Variants in ODC1 observed in about 807,000 individuals in gnomAD.
ODC1 encodes the protein ornithine decarboxylase 1.
In ODC1, 18 loss-of-function variants were observed where a neutral mutation model predicts 41.5. The observed-to-expected ratio is 0.43, with a 90% CI of 0.30 to 0.64. The LOEUF is 0.64. Among genes scored for constraint, ODC1 ranks in the 30% least tolerant of loss-of-function variants. The pLI is 0.11. For synonymous variants in ODC1, 218 were observed against 211.6 expected (o/e 1.03, Z -0.26); for missense variants, 504 against 589.0 (o/e 0.86, Z 1.49).
intron 1 of ODC1, among the ~76,000 whole-genome samples, chr2:10,446,344 TAGTC>T (rs1369752214): frequency 2.0e-5 from 3 of 152,174 alleles, no homozygotes; most frequent in Admixed American, 1.3e-4. Flanking sequence ...TTCTCCATGT[TAGTC>T]AGGCTGGTCT....
chr2:10,445,580 G>A (rs567874992), intron 1 of ODC1, among the ~76,000 whole-genome samples: 1 of 152,100 alleles, frequency 6.6e-6, no homozygotes, highest in African/African-American at 2.4e-5. Flanking sequence ...GTCTTATAAT[G>A]GTCTGATTTA....
chr2:10,443,371 C>G (rs1006953263), intron 7 of ODC1, 58 bp from the exon 8 acceptor site: 3 of 1,567,780 alleles, frequency 1.9e-6, no homozygotes, highest in South Asian at 2.2e-5. Flanking sequence ...ATGTATGCAG[C>G]AGATAGGCTG....
chr2:10,446,938 G>C, intron 1 of ODC1: 1 of 163,214 alleles, frequency 6.1e-6, no homozygotes, highest in South Asian at 1.3e-4. Flanking sequence ...GAGAAGGGAA[G>C]AGAGTAACAA....
At chr2:10,442,366 G>A (rs28362405) in intron 8 of ODC1, among the ~76,000 whole-genome samples, 192 bp from the exon 9 acceptor site, 366 of 152,262 alleles carry the variant, frequency 2.4e-3, no homozygotes, top group African/African-American at 8.5e-3. Context: ...CAGGTGGCTC[G>A]TTTTCATTCC....
At position 10,440,841 on chromosome 2, in the gene ODC1, G is replaced by A. The variant is rs1049500; in HGVS notation, c.1269C>T (p.Pro423=). 129,880 of 1,613,840 alleles carry A rather than the reference G, an allele frequency of 0.08. 13,821 individuals are homozygous for A. Among genetic ancestry groups the A allele is most frequent in the East Asian group, 0.55 (24,471 of 44,866 alleles). ...GTTCCTCTACTTCGGGTGGGAAGTC[G>A]GGGTTCTGGAATTGCTGCATGAGTT... ...AWQLMQQFQN[P]DFPPEVEEQD... is the part of the protein sequence containing the mutation. The change falls in exon 12 of 12, where the codon CCC becomes CCT. Residue 423 remains proline (P), a synonymous_variant. Coordinates refer to ENST00000234111, the MANE Select transcript of ODC1 (RefSeq NM_002539.3).
rs766492928 is a variant in ODC1, at chr2:10,441,636, G to A, written c.1114C>T (p.Leu372=). ...CAATCACCCACATGCATTTCAGGCA[G>A]GTCACAGCGCTCAACAATCCGATCG... The part of the protein sequence containing the change: ...GLDRIVERCD[L]PEMHVGDWML... The change falls in exon 11 of 12, where the codon CTG becomes TTG. Residue 372 remains leucine (L), a synonymous_variant. Coordinates refer to ENST00000234111, the MANE Select transcript of ODC1 (RefSeq NM_002539.3). The A allele has an allele frequency of 6.2e-7, 1 of 1,614,188 alleles. No homozygotes were observed.
intron 10 of ODC1, 42 bp from the exon 11 acceptor site, chr2:10,441,765 CG>C: frequency 2.5e-6 from 4 of 1,611,500 alleles, no homozygotes; most frequent in Non-Finnish European, 3.4e-6. Context: ...CTTAATTACA[CG>C]TGTTGTGACC....
chr2:10,441,880 G>T lies in ODC1; in HGVS notation c.963C>A (p.Gly321=). ...GTATGCAATTAAATGATCCATAGAC[G>T]CCATCATTCACATAATACATAAAGG... ...EQTFMYYVND[G]VYGSFNCILY... is the part of the protein sequence containing the mutation. Residue 321 remains glycine, a synonymous_variant, in exon 10 of 12, where the codon GGC becomes GGA. Coordinates refer to ENST00000234111, the MANE Select transcript of ODC1 (RefSeq NM_002539.3). 6.2e-7 allele frequency: 1 copy of T among 1,614,054 alleles called. No homozygotes were observed. The highest frequency in any genetic ancestry group is 8.5e-7 in the Non-Finnish European group (1 of 1,180,012).
chr2:10,445,097 C>G (rs1004509379), intron 2 of ODC1, 48 bp from the exon 3 acceptor site: 3 of 962,810 alleles, frequency 3.1e-6, no homozygotes, highest in South Asian at 1.3e-5. Context: ...CACTTAGAAG[C>G]CTTAGCAATA....
At position 10,443,181 on chromosome 2, in the gene ODC1, G is replaced by C. The variant is rs768384026; in HGVS notation, c.750+49C>G. The C allele has an allele frequency of 4.2e-6, 6 of 1,430,870 alleles. No homozygotes were observed. In the African/African-American group the frequency reaches 8.6e-5, roughly 20 times the overall value. 88.6% of individuals were successfully genotyped at this position (1,430,870 alleles called of 1,614,324 possible). A position where few individuals can be genotyped will look rare whatever the true frequency, so the allele number is the denominator to read the frequency against. Reference sequence around the variant, plus strand: ...CTTAAATTTTGAAATATTCCAAAAAGGAATTTATTAGAACGGCTACTGAGT... The same window carrying C: ...CTTAAATTTTGAAATATTCCAAAAACGAATTTATTAGAACGGCTACTGAGT... On this transcript the variant is annotated intron_variant, in intron 8 of 11. Transcript: ENST00000234111.
chr2:10,443,461 C>T (rs1671899630), intron 7 of ODC1, 29 bp downstream of exon 7: 1 of 1,606,158 alleles, frequency 6.2e-7, no homozygotes, highest in Non-Finnish European at 8.5e-7. Context: ...TGTGTCCCGC[C>T]CTTCCCTAAC....
chr2:10,441,647 T>C lies in ODC1; in HGVS notation c.1103A>G (p.Glu368Gly). Residue 368 changes from glutamate (E) to glycine (G), a missense_variant, in exon 11 of 12, where the codon GAG becomes GGG. By Grantham distance (98) the Glu-to-Gly change is moderately conservative (BLOSUM62 -2). This residue lies in a region of ODC1 where 447 missense variants were observed against 524.4 expected (regional missense o/e 0.85). Coordinates refer to ENST00000234111, the MANE Select transcript of ODC1 (RefSeq NM_002539.3). The stretch of plus-strand genomic sequence containing the variant: ...ATGCATTTCAGGCAGGTCACAGCGC[T>C]CAACAATCCGATCGAGGCCATCACA... ...PTCDGLDRIVERCDLPEMHVG... is the reference protein window; with the variant it reads ...PTCDGLDRIVGRCDLPEMHVG... 1 of 1,614,212 alleles carries C rather than the reference T, an allele frequency of 6.2e-7. No individual in the cohort carries two copies. Among genetic ancestry groups the C allele is most frequent in the Non-Finnish European group, 8.5e-7 (1 of 1,180,048 alleles).
chr2:10,446,826 C>T, intron 1 of ODC1: 1 of 320,526 alleles, frequency 3.1e-6, no homozygotes, highest in Non-Finnish European at 6.0e-6. Flanking sequence ...GGGTGACGGG[C>T]CTGTCATAAA....
At position 10,443,834 on chromosome 2, in the gene ODC1, A is replaced by G; in HGVS notation, c.452T>C (p.Leu151Ser). The G allele has an allele frequency of 1.9e-6, 3 of 1,613,654 alleles. No individual in the cohort carries two copies. The highest frequency in any genetic ancestry group is 2.5e-6 in the Non-Finnish European group (3 of 1,179,580). ...KVARAHPKAKLVLRIATDDSK... is the reference protein window; with the variant it reads ...KVARAHPKAKSVLRIATDDSK... ...ATCATCAGTGGCAATCCGCAAAACCAACCTACAAGCAAGGAAAGTGCAGCA... is the reference window on the plus strand; with the variant it reads ...ATCATCAGTGGCAATCCGCAAAACCGACCTACAAGCAAGGAAAGTGCAGCA... Residue 151 changes from leucine (L) to serine (S), a missense_variant and splice_region_variant, in exon 6 of 12, where the codon TTG becomes TCG. This residue lies in a region of ODC1 where 447 missense variants were observed against 524.4 expected (regional missense o/e 0.85). Transcript: ENST00000234111.
intron 1 of ODC1, among the ~76,000 whole-genome samples, chr2:10,447,216 T>C (rs766252690): frequency 1.3e-5 from 2 of 152,206 alleles, no homozygotes; most frequent in Non-Finnish European, 2.9e-5. Context: ...CACCTTTCGG[T>C]CTTTCTGTAA....
chr2:10,441,661 G>C lies in ODC1; in HGVS notation c.1089C>G (p.Leu363=), dbSNP rs376058087. ...SSIWGPTCDG[L]DRIVERCDLP... ...GGTCACAGCGCTCAACAATCCGATC[G>C]AGGCCATCACATGTTGGTCCCCATA... Residue 363 remains leucine (L), a synonymous_variant, in exon 11 of 12, where the codon CTC becomes CTG. Coordinates refer to ENST00000234111, the MANE Select transcript of ODC1 (RefSeq NM_002539.3). 1.2e-6 allele frequency: 2 copies of C among 1,614,176 alleles called. No homozygotes were observed. Among genetic ancestry groups the C allele is most frequent in the South Asian group, 2.2e-5 (2 of 91,084 alleles).
chr2:10,442,054 T>A lies in ODC1; in HGVS notation c.871A>T (p.Ile291Phe). The change falls in exon 9 of 12, where the codon ATT becomes TTT. Residue 291 changes from isoleucine to phenylalanine, a missense_variant. Physicochemically the swap from Ile to Phe is conservative, Grantham distance 21 (BLOSUM62 0). Transcript: ENST00000234111. ...TCCTTTAATACAATTTTCTTGGCAA[T>A]GATATTAACTGCAAGCGTGAAAGCT... ...ASAFTLAVNI[I>F]AKKIVLKEQT... is the part of the protein sequence containing the mutation. 6.2e-7 allele frequency: 1 copy of A among 1,614,104 alleles called. No homozygotes were observed. The highest frequency in any genetic ancestry group is 8.5e-7 in the Non-Finnish European group (1 of 1,179,976).
intron 1 of ODC1, chr2:10,447,755 C>G (rs1672076688): frequency 6.6e-6 from 1 of 152,174 alleles, no homozygotes; most frequent in Non-Finnish European, 1.5e-5. Context: ...GCTCTGCGCC[C>G]CTGCACCTGC....
chr2:10,440,665 G>A lies in ODC1; in HGVS notation c.*59C>T. 6.5e-7 allele frequency: 1 copy of A among 1,549,440 alleles called. No homozygotes were observed. Among genetic ancestry groups the A allele is most frequent in the African/African-American group, 1.4e-5 (1 of 72,964 alleles). ...AAACTAGCAGTAATTAAGTTACATG[G>A]TCCCCCCAAATCCCTTAATTCAAGC... On this transcript the variant is annotated 3_prime_UTR_variant, in exon 12 of 12. Coordinates refer to ENST00000234111, the MANE Select transcript of ODC1 (RefSeq NM_002539.3).
Sources: gnomAD v4.1 joint callset for allele counts (sites outside exome capture counted in the v4.1 genomes callset) on GRCh38, gnomAD v4.1.1 for gene constraint, gnomAD v4.1.1 regional missense constraint, MANE v1.5 for transcripts, NCBI Gene and HGNC (gene_info 2026-07-23, HGNC 2026-07-21) for gene names.